The following ASIC2 variants were observed in gnomAD, a reference collection of about 807,000 sequenced individuals.
ASIC2 encodes the protein acid-sensing ion channel 2.
A neutral mutation model predicts 57.3 loss-of-function variants in ASIC2; 25 were observed. That is an observed-to-expected ratio of 0.44 (90% CI 0.32 to 0.61). The LOEUF (loss-of-function observed/expected upper bound fraction) is 0.61, where lower values mean the gene tolerates loss of function less well. ASIC2 is among the 20% of genes least tolerant of loss of function. The pLI is 0.06. For synonymous variants in ASIC2, 319 were observed against 307.5 expected (o/e 1.04, Z -0.39); for missense variants, 641 against 738.1 (o/e 0.87, Z 1.52).
At chr17:33,705,197 A>C (rs1467991829) in intron 1 of ASIC2, among the ~76,000 whole-genome samples, 1 of 152,216 alleles carries the variant, frequency 6.6e-6, no homozygotes, top group African/African-American at 2.4e-5. Context: ...TTCATTATTC[A>C]AGAACACTAT....
intron 1 of ASIC2, among the ~76,000 whole-genome samples, chr17:33,144,458 C>T (rs987528879): frequency 2.0e-5 from 3 of 152,086 alleles, no homozygotes; most frequent in Non-Finnish European, 4.4e-5. Context: ...CCAAGTCTTC[C>T]AAGAGCTCAA....
chr17:33,700,804 G>A (rs367658565), intron 1 of ASIC2, among the ~76,000 whole-genome samples: 5 of 152,096 alleles, frequency 3.3e-5, no homozygotes, highest in Non-Finnish European at 7.4e-5. Context: ...GACCAGAACC[G>A]GAGAGATGGG....
At chr17:33,376,324 C>A (rs1217251098) in intron 1 of ASIC2, among the ~76,000 whole-genome samples, 1 of 151,536 alleles carries the variant, frequency 6.6e-6, no homozygotes, top group African/African-American at 2.4e-5. Flanking sequence ...CATTTTTTCC[C>A]CATCAAATTG....
rs150130301 is a variant in ASIC2, at chr17:33,930,573, A to C, written c.555+225405T>G. On this transcript the variant is annotated intron_variant, in intron 1 of 9. Coordinates refer to the ASIC2 transcript ENST00000359872. ...GAATATGCCTCATGCTGTGAGCAAC[A>C]CAATAAAGTTTGCTTCAAACAAAAG... 3.4e-3 allele frequency among the ~76,000 whole-genome samples: 522 copies of C among 152,354 alleles called. 2 individuals are homozygous for C. The highest frequency in any genetic ancestry group is 0.012 in the African/African-American group (486 of 41,576).
intron 1 of ASIC2, among the ~76,000 whole-genome samples, chr17:33,640,438 A>T (rs1240325131): frequency 3.9e-5 from 6 of 152,332 alleles, no homozygotes; most frequent in Non-Finnish European, 8.8e-5. Flanking sequence ...TTTGCAAAAA[A>T]ACCACAAAGC....
chr17:33,547,813 C>T (rs987684146), intron 1 of ASIC2, among the ~76,000 whole-genome samples: 10 of 152,196 alleles, frequency 6.6e-5, no homozygotes, highest in Admixed American at 6.5e-4. Context: ...AGACAGAATG[C>T]TAGACCAGTC....
intron 1 of ASIC2, among the ~76,000 whole-genome samples, chr17:33,807,540 G>A (rs531005888): frequency 1.1e-4 from 16 of 152,170 alleles, no homozygotes; most frequent in African/African-American, 2.2e-4. Flanking sequence ...GTAATTCAGG[G>A]TTCAGTCTCT....
intron 1 of ASIC2, among the ~76,000 whole-genome samples, chr17:33,871,618 A>C (rs929145947): frequency 6.6e-6 from 1 of 152,124 alleles, no homozygotes; most frequent in Non-Finnish European, 1.5e-5. Flanking sequence ...TCTCCATTCT[A>C]GTCTAAAGGT....
At chr17:33,714,546 C>A (rs1909150107) in intron 1 of ASIC2, among the ~76,000 whole-genome samples, 4 of 151,980 alleles carry the variant, frequency 2.6e-5, no homozygotes, top group Non-Finnish European at 5.9e-5. Context: ...AAAAACACAC[C>A]AAACAATACT....
chr17:33,054,331 T>C (rs2091989512), intron 3 of ASIC2, among the ~76,000 whole-genome samples: 1 of 152,196 alleles, frequency 6.6e-6, no homozygotes, highest in Non-Finnish European at 1.5e-5. Context: ...CTGGACTCTG[T>C]CGCTGCCAAA....
intron 1 of ASIC2, among the ~76,000 whole-genome samples, chr17:34,124,193 T>C (rs937481821): frequency 3.9e-5 from 6 of 152,254 alleles, no homozygotes; most frequent in African/African-American, 7.2e-5. Flanking sequence ...ACAGAGATTA[T>C]GTAACAGAAA....
chr17:33,017,552 C>G, intron 8 of ASIC2, 53 bp downstream of exon 8: 3 of 1,494,272 alleles, frequency 2.0e-6, no homozygotes, highest in Non-Finnish European at 2.8e-6. Context: ...ACCTGGGGCA[C>G]GATGAGGGCA....
Position 34,151,115 on chromosome 17 carries a change from A to AT in ASIC2, c.555+4862_555+4863insA, listed in dbSNP as rs796867626. ...GAGACTCCATCTCAAGAAAAAAAAAAAAAAAAAAAATAAAGAGGTAGAGTA... is the reference window on the plus strand; with the variant it reads ...GAGACTCCATCTCAAGAAAAAAAAAATAAAAAAAAAATAAAGAGGTAGAGTA... On this transcript the variant is annotated intron_variant, in intron 1 of 9. Transcript: ENST00000359872. 1.6e-4 allele frequency among the ~76,000 whole-genome samples: 21 copies of AT among 129,774 alleles called. 1 individual carries two copies. The highest frequency in any genetic ancestry group is 4.9e-4 in the African/African-American group (18 of 36,932). 85.1% of individuals were successfully genotyped at this position (129,774 alleles called of 152,430 possible).
intron 1 of ASIC2, 151 bp from the exon 2 acceptor site, chr17:33,112,218 C>T (rs2092261309): frequency 2.8e-6 from 3 of 1,056,270 alleles, no homozygotes; most frequent in South Asian, 3.5e-5. Flanking sequence ...GTTTTTCATC[C>T]TGGCTGTGGG....
chr17:33,166,726 A>T (rs1356748763), intron 1 of ASIC2, among the ~76,000 whole-genome samples: 3 of 152,244 alleles, frequency 2.0e-5, no homozygotes, highest in Admixed American at 6.5e-5. Flanking sequence ...GGCAGAGCCC[A>T]GAACCTGGGC....
chr17:34,117,227 T>C (rs1282935152), intron 1 of ASIC2, among the ~76,000 whole-genome samples: 1 of 152,114 alleles, frequency 6.6e-6, no homozygotes, highest in African/African-American at 2.4e-5. Context: ...GAAAGATGAA[T>C]AAGGTCTTAT....
intron 1 of ASIC2, among the ~76,000 whole-genome samples, chr17:33,172,201 G>A (rs1010054747): frequency 1.3e-5 from 2 of 152,162 alleles, no homozygotes; most frequent in Non-Finnish European, 2.9e-5. Context: ...GATGAGTAAT[G>A]TATCCTATAC....
intron 1 of ASIC2, among the ~76,000 whole-genome samples, chr17:33,625,864 G>A (rs1344817452): frequency 6.6e-6 from 1 of 152,210 alleles, no homozygotes; most frequent in Non-Finnish European, 1.5e-5. Flanking sequence ...TCTGAAAGAT[G>A]AAAGAGATTT....
At chr17:33,175,788 T>C (rs1046107925) in intron 1 of ASIC2, among the ~76,000 whole-genome samples, 1 of 152,142 alleles carries the variant, frequency 6.6e-6, no homozygotes, top group African/African-American at 2.4e-5. Context: ...GAGGCTCCAC[T>C]TGGCTCCTGA....
Sources: allele counts gnomAD v4.1 joint callset (sites outside exome capture counted in the v4.1 genomes callset), GRCh38; gene constraint gnomAD v4.1.1; transcripts MANE v1.5; gene names NCBI Gene and HGNC (gene_info 2026-07-23, HGNC 2026-07-21).